Variants in MTNR1A observed in about 807,000 individuals in gnomAD.
MTNR1A encodes melatonin receptor 1A.
A neutral mutation model predicts 5.5 loss-of-function variants in MTNR1A; 7 were observed. That is an observed-to-expected ratio of 1.28 (90% CI 0.73 to 2.40). The LOEUF is 2.40. Ranked by LOEUF, MTNR1A falls within the 30% of genes most tolerant of loss-of-function variation. The pLI is 0.00. For synonymous variants in MTNR1A, 196 were observed against 202.7 expected, an observed-to-expected ratio of 0.97 and a Z score of 0.28; for missense variants, 441 against 464.4, an observed-to-expected ratio of 0.95 and a Z score of 0.46.
intron 1 of MTNR1A, among the ~76,000 whole-genome samples, chr4:186,545,543 A>C (rs972328261): frequency 2.0e-5 from 3 of 151,778 alleles, no homozygotes; most frequent in African/African-American, 7.3e-5. Flanking sequence ...CCTCTGAACT[A>C]CTCCCTCAGA....
intron 1 of MTNR1A, among the ~76,000 whole-genome samples, chr4:186,541,925 G>A (rs1737035257): frequency 6.6e-6 from 1 of 152,244 alleles, no homozygotes; most frequent in Non-Finnish European, 1.5e-5. Context: ...GGAAGACGTA[G>A]CACACAGACC....
rs758145760 is a variant in MTNR1A, at chr4:186,533,790, C to A, written c.952G>T (p.Val318Leu). 5.6e-6 allele frequency: 9 copies of A among 1,614,084 alleles called. No individual in the cohort carries two copies. The African/African-American group carries it at 1.2e-4, about 22-fold the overall frequency. The change falls in exon 2 of 2, where the codon GTG becomes TTG. Residue 318 changes from valine to leucine, a missense_variant. Physicochemically the swap from Val to Leu is conservative, Grantham distance 32. Coordinates refer to ENST00000307161, the MANE Select transcript of MTNR1A (RefSeq NM_005958.4). ...RIIVSLCTAR[V>L]FFVDSSNDVA... ...TCGTTAGAGCTGTCCACAAAGAACACCCTGGCTGTACAGAGCGAGACTATA... is the reference window on the plus strand; with the variant it reads ...TCGTTAGAGCTGTCCACAAAGAACAACCTGGCTGTACAGAGCGAGACTATA...
At chr4:186,548,390 T>C (rs1737199935) in intron 1 of MTNR1A, among the ~76,000 whole-genome samples, 1 of 152,104 alleles carries the variant, frequency 6.6e-6, no homozygotes, top group Admixed American at 6.5e-5. Context: ...TTTTTAAAAG[T>C]TAAAACTTTG....
intron 1 of MTNR1A, among the ~76,000 whole-genome samples, chr4:186,544,971 A>G (rs1737110269): frequency 6.6e-6 from 1 of 152,068 alleles, no homozygotes; most frequent in African/African-American, 2.4e-5. Context: ...TGGCAACTCC[A>G]CTGGATTTAC....
rs1311124047 is a variant in MTNR1A at position 186,555,256 on chromosome 4, G to T, written c.110C>A (p.Thr37Asn). The change falls in exon 1 of 2, where the codon ACC becomes AAC. Residue 37 changes from threonine (T) to asparagine (N), a missense_variant. By Grantham distance (65) the Thr-to-Asn change is moderately conservative (BLOSUM62 0). Coordinates refer to ENST00000307161, the MANE Select transcript of MTNR1A (RefSeq NM_005958.4). This position sits in a 1 kb window ranked among gnomAD's most constrained non-coding sequence, Gnocchi z 4.1. ...GTTGCCCAGGATGTCCACCACGATG[G>T]TGAAGATGAGGACGCAGGCCAGGGC... ...ASALACVLIF[T>N]IVVDILGNLL... 3 of 1,568,800 alleles carry T rather than the reference G, an allele frequency of 1.9e-6. No homozygotes were observed. The highest frequency in any genetic ancestry group is 3.7e-5 in the Admixed American group (2 of 53,458).
chr4:186,535,825 C>T (rs1293720720), intron 1 of MTNR1A, among the ~76,000 whole-genome samples: 1 of 152,166 alleles, frequency 6.6e-6, no homozygotes, highest in Non-Finnish European at 1.5e-5. Context: ...CATCAACTTT[C>T]TAAATCCTGC....
In MTNR1A at chr4:186,533,731, T is replaced by C. The variant is rs781418217; in HGVS notation, c.1011A>G (p.Pro337=). 3 of 1,614,210 alleles carry C rather than the reference T, an allele frequency of 1.9e-6. No individual in the cohort carries two copies. In the South Asian group the frequency reaches 3.3e-5, roughly 18 times the overall value. ...VADRVKWKPS[P]LMTNNNVVKV... ...TTACTACATTATTGTTGGTCATCAG[T>C]GGAGACGGTTTCCATTTAACCCTAT... Residue 337 remains proline (P), a synonymous_variant, in exon 2 of 2, where the codon CCA becomes CCG. Transcript: ENST00000307161.
At chr4:186,537,164 T>A (rs1272834198) in intron 1 of MTNR1A, among the ~76,000 whole-genome samples, 1 of 152,192 alleles carries the variant, frequency 6.6e-6, no homozygotes, top group Non-Finnish European at 1.5e-5. Context: ...TTTACAAATC[T>A]TGGTGAAAAT....
Position 186,555,389 on chromosome 4 carries a change from CG to C in MTNR1A, c.-25del, listed in dbSNP as rs1438341901. 4 of 1,393,790 alleles carry C rather than the reference CG, an allele frequency of 2.9e-6. No homozygotes were observed. The highest frequency in any genetic ancestry group is 2.8e-6 in the Non-Finnish European group (3 of 1,071,248). 86.3% of individuals were successfully genotyped at this position (1,393,790 alleles called of 1,614,324 possible). ...ATGGTCCCTGTGCGCGTCCCGGCCG[CG>C]GGGCCATCGCCCGCCTCGTCCGCCC... On this transcript the variant is annotated 5_prime_UTR_variant, in exon 1 of 2. Coordinates refer to ENST00000307161, the MANE Select transcript of MTNR1A (RefSeq NM_005958.4). This position sits in a 1 kb window ranked among gnomAD's most constrained non-coding sequence, Gnocchi z 4.1.
intron 1 of MTNR1A, among the ~76,000 whole-genome samples, chr4:186,545,679 G>T (rs1040490281): frequency 6.6e-6 from 1 of 152,108 alleles, no homozygotes; most frequent in African/African-American, 2.4e-5. Flanking sequence ...AAGATTAGAG[G>T]CCCCCTGAAT....
rs369731516 is a variant in MTNR1A, at chr4:186,534,517, C to A, written c.225G>T (p.Val75=). The change falls in exon 2 of 2, where the codon GTG becomes GTT. Residue 75 remains valine (V), a synonymous_variant. Coordinates refer to ENST00000307161, the MANE Select transcript of MTNR1A (RefSeq NM_005958.4). ...FVVSLAVADL[V]VAIYPYPLVL... ...CCAACGGGTACGGATAAATGGCCAC[C>A]ACCAGGTCTGCCACCGCTAAGCTCA... is the stretch of plus-strand genomic sequence containing the variant. 1.2e-6 allele frequency: 2 copies of A among 1,613,768 alleles called. No individual in the cohort carries two copies. Among genetic ancestry groups the A allele is most frequent in the South Asian group, 1.1e-5 (1 of 91,086 alleles).
chr4:186,538,534 C>T (rs1022588486), intron 1 of MTNR1A, among the ~76,000 whole-genome samples: 1 of 152,168 alleles, frequency 6.6e-6, no homozygotes, highest in Non-Finnish European at 1.5e-5. Context: ...CTCCTCCTGG[C>T]TTGAGATTCG....
At position 186,555,255 on chromosome 4, in the gene MTNR1A, G is replaced by C. The variant is rs1284322890; in HGVS notation, c.111C>G (p.Thr37=). 1.9e-6 allele frequency: 3 copies of C among 1,570,468 alleles called. No individual in the cohort carries two copies. The highest frequency in any genetic ancestry group is 3.7e-5 in the Admixed American group (2 of 53,700). Residue 37 remains threonine (T), a synonymous_variant, in exon 1 of 2, where the codon ACC becomes ACG. Coordinates refer to ENST00000307161, the MANE Select transcript of MTNR1A (RefSeq NM_005958.4). This position sits in a 1 kb window ranked among gnomAD's most constrained non-coding sequence, Gnocchi z 4.1. ...ASALACVLIF[T]IVVDILGNLL... ...GGTTGCCCAGGATGTCCACCACGAT[G>C]GTGAAGATGAGGACGCAGGCCAGGG...
chr4:186,534,062 G>A lies in MTNR1A; in HGVS notation c.680C>T (p.Pro227Leu), dbSNP rs371594884. The A allele has an allele frequency of 6.2e-7, 1 of 1,613,982 alleles. No individual in the cohort carries two copies. Among genetic ancestry groups the A allele is most frequent in the East Asian group, 2.2e-5 (1 of 44,892 alleles). Residue 227 changes from proline to leucine, a missense_variant, in exon 2 of 2, where the codon CCC becomes CTC. Pro to Leu is a moderately conservative substitution (Grantham distance 98). Transcript: ENST00000307161. The part of the protein sequence containing the change: ...VRQRVKPDRK[P>L]KLKPQDFRNF... Reference sequence around the variant, plus strand: ...CCTGAAGTCCTGTGGTTTCAGTTTGGGTTTGCGGTCAGGTTTCACCCTCTG... The same window carrying A: ...CCTGAAGTCCTGTGGTTTCAGTTTGAGTTTGCGGTCAGGTTTCACCCTCTG...
intron 1 of MTNR1A, among the ~76,000 whole-genome samples, chr4:186,547,607 C>A (rs1560897697): frequency 2.0e-5 from 3 of 152,006 alleles, no homozygotes. Context: ...CTGGCTCATT[C>A]CTCTCTCTCT....
chr4:186,547,392 GTGGGACACACTGTCCTCACACCCTGTTCA>G (rs1314455610), intron 1 of MTNR1A, among the ~76,000 whole-genome samples: 6 of 147,440 alleles, frequency 4.1e-5, no homozygotes, highest in African/African-American at 1.6e-4. Context: ...CACCCTGTTC[GTGGGACACACTGTCCTCACACCCTGTTCA>G]TGGGACACAC....
At chr4:186,552,598 T>C (rs1737286783) in intron 1 of MTNR1A, among the ~76,000 whole-genome samples, 1 of 152,314 alleles carries the variant, frequency 6.6e-6, no homozygotes, top group Non-Finnish European at 1.5e-5. Context: ...AACACAGTAT[T>C]ACGTGTTTTA....
chr4:186,539,447 C>G (rs1319321212), intron 1 of MTNR1A, among the ~76,000 whole-genome samples: 1 of 152,186 alleles, frequency 6.6e-6, no homozygotes, highest in Non-Finnish European at 1.5e-5. Context: ...GATCCAATGG[C>G]TATGGTCTAA....
intron 1 of MTNR1A, among the ~76,000 whole-genome samples, chr4:186,544,556 T>C (rs1737097562): frequency 6.6e-6 from 1 of 152,224 alleles, no homozygotes; most frequent in African/African-American, 2.4e-5. Flanking sequence ...TCTATCAACC[T>C]ATCTGACACT....
Sources: gnomAD v4.1 joint callset for allele counts (sites outside exome capture counted in the v4.1 genomes callset) on GRCh38, gnomAD v4.1.1 for gene constraint, Gnocchi (gnomAD v3.1) non-coding constraint, MANE v1.5 for transcripts, NCBI Gene and HGNC (gene_info 2026-07-23, HGNC 2026-07-21) for gene names.